The following MAP3K20 variants were observed in gnomAD, a reference collection of about 807,000 sequenced individuals.
The protein encoded by MAP3K20 is mitogen-activated protein kinase kinase kinase 20.
MAP3K20 carries 40 observed loss-of-function variants against 85.7 expected under a neutral mutation model. The observed-to-expected ratio is 0.47, with a 90% CI of 0.36 to 0.61. The LOEUF (loss-of-function observed/expected upper bound fraction) is 0.61. MAP3K20 is among the 20% of genes least tolerant of loss of function. The pLI is 0.00. For missense variants in MAP3K20, 817 were observed against 961.7 expected (o/e 0.85, Z 1.99); for synonymous variants, 325 against 327.7 (o/e 0.99, Z 0.09).
chr2:173,110,275 A>G (rs1397628763), intron 2 of MAP3K20, among the ~76,000 whole-genome samples: 1 of 41,906 alleles, frequency 2.4e-5, no homozygotes, highest in East Asian at 5.7e-4. Flanking sequence ...TTTTTTTGAG[A>G]CAGGATCTTG....
chr2:173,194,756 A>G (rs1169330630), intron 7 of MAP3K20, among the ~76,000 whole-genome samples: 1 of 72,848 alleles, frequency 1.4e-5, no homozygotes, highest in East Asian at 2.4e-4. Context: ...TAAGACCATT[A>G]AAAAAAAGGT....
rs1420564777 is a variant in MAP3K20 at position 173,210,141 on chromosome 2, C to G, written c.851+306C>G. The stretch of plus-strand genomic sequence containing the variant: ...CCAAGGCAGGCAGATCACCTGAGGT[C>G]AGGAGTTTGAGACCACCTTGACCAA... On this transcript the variant is annotated intron_variant, in intron 10 of 19. Coordinates refer to ENST00000375213, the MANE Select transcript of MAP3K20 (RefSeq NM_016653.3). 9 of 302,952 alleles carry G rather than the reference C, an allele frequency of 3.0e-5. No homozygotes were observed. In the East Asian group the frequency reaches 7.5e-4, roughly 25 times the overall value. 18.8% of individuals were successfully genotyped at this position (302,952 alleles called of 1,614,324 possible). A position where few individuals can be genotyped will look rare whatever the true frequency, so the allele number is the denominator to read the frequency against.
chr2:173,185,219 C>T (rs534412383), intron 4 of MAP3K20, among the ~76,000 whole-genome samples: 13 of 151,910 alleles, frequency 8.6e-5, no homozygotes, highest in Admixed American at 2.6e-4. Flanking sequence ...CCAGCCTGGG[C>T]GACCGAGTGA....
chr2:173,118,861 G>A (rs940400769), intron 2 of MAP3K20, among the ~76,000 whole-genome samples: 7 of 151,928 alleles, frequency 4.6e-5, no homozygotes, highest in African/African-American at 1.5e-4. Flanking sequence ...CAAATTAATG[G>A]TTCTAGAAGT....
intron 2 of MAP3K20, among the ~76,000 whole-genome samples, chr2:173,124,990 GAAAAT>G (rs1484898636): frequency 6.6e-6 from 1 of 152,008 alleles, no homozygotes; most frequent in Admixed American, 6.6e-5. Flanking sequence ...TGTCTCTAAA[GAAAAT>G]AAAGAAAAGG....
chr2:173,221,630 A>C, intron 11 of MAP3K20: 1 of 1,350,354 alleles, frequency 7.4e-7, no homozygotes, highest in Non-Finnish European at 9.6e-7. Context: ...CAGAAAGCCA[A>C]GCACTGCATT....
rs1369447940 is a variant in MAP3K20, at chr2:173,191,761, A to G, written c.582+584A>G. 6.6e-5 allele frequency among the ~76,000 whole-genome samples: 10 copies of G among 152,326 alleles called. No individual in the cohort carries two copies. The South Asian group carries it at 1.2e-3, about 19-fold the overall frequency. ...CTGAAGCGTGACTCTAAGGCATTACATAAGAATCACAGCAGAGCCACATAG... is the reference window on the plus strand; with the variant it reads ...CTGAAGCGTGACTCTAAGGCATTACGTAAGAATCACAGCAGAGCCACATAG... On this transcript the variant is annotated intron_variant, in intron 7 of 19. Coordinates refer to ENST00000375213, the MANE Select transcript of MAP3K20 (RefSeq NM_016653.3).
At chr2:173,127,613 A>G (rs566479523) in intron 2 of MAP3K20, among the ~76,000 whole-genome samples, 4 of 152,316 alleles carry the variant, frequency 2.6e-5, no homozygotes, top group Non-Finnish European at 5.9e-5. Flanking sequence ...TTCTTGGAGA[A>G]GCCTTTTAAA....
intron 2 of MAP3K20, among the ~76,000 whole-genome samples, chr2:173,142,120 A>G (rs541810405): frequency 6.6e-6 from 1 of 152,336 alleles, no homozygotes; most frequent in South Asian, 2.1e-4. Context: ...TCAAAAGACA[A>G]CAGCTAAAAG....
At chr2:173,251,793 C>T (rs1263512266) in intron 16 of MAP3K20, among the ~76,000 whole-genome samples, 1 of 152,112 alleles carries the variant, frequency 6.6e-6, no homozygotes, top group Non-Finnish European at 1.5e-5. Context: ...GCAAATTATA[C>T]CTCAATAAGA....
intron 2 of MAP3K20, among the ~76,000 whole-genome samples, chr2:173,169,079 G>A (rs532639212): frequency 1.3e-5 from 2 of 152,166 alleles, no homozygotes; most frequent in South Asian, 4.2e-4. Flanking sequence ...TAAATGATTA[G>A]ATAAATAAGT....
chr2:173,225,868 A>G, intron 11 of MAP3K20: 1 of 984,906 alleles, frequency 1.0e-6, no homozygotes, highest in Non-Finnish European at 1.2e-6. Context: ...AGCCAAATGC[A>G]CCAGGGCAGG....
In MAP3K20 at chr2:173,134,393, C is replaced by CATATATAT. The variant is rs1162728873; in HGVS notation, c.160-35383_160-35376dup. ...GTGTGTGTGTGTGTGTGTCTCTATA[C>CATATATAT]ATATATATATATATATATATATATA... On this transcript the variant is annotated intron_variant, in intron 2 of 19. Coordinates refer to ENST00000375213, the MANE Select transcript of MAP3K20 (RefSeq NM_016653.3). Among the ~76,000 whole-genome samples, 15 of 12,332 alleles carry CATATATAT rather than the reference C, an allele frequency of 1.2e-3. 1 individual carries two copies. Among genetic ancestry groups the CATATATAT allele is most frequent in the African/African-American group, 2.4e-3 (7 of 2,932 alleles). 8.1% of individuals were successfully genotyped at this position (12,332 alleles called of 152,430 possible).
At chr2:173,097,049 A>G (rs916269892) in intron 2 of MAP3K20, among the ~76,000 whole-genome samples, 34 of 152,222 alleles carry the variant, frequency 2.2e-4, no homozygotes, top group African/African-American at 8.0e-4. Context: ...CACTCCCAAC[A>G]TGACAAAGAG....
rs865871881 is a variant in MAP3K20, at chr2:173,152,914, G to A, written c.160-16891G>A. 5.3e-5 allele frequency among the ~76,000 whole-genome samples: 8 copies of A among 152,212 alleles called. No individual in the cohort carries two copies. The South Asian group carries it at 1.0e-3, about 20-fold the overall frequency. On this transcript the variant is annotated intron_variant, in intron 2 of 19. Transcript: ENST00000375213. ...GCTGCCCAAACAGGTCCCTGTTGAA[G>A]TGGCTTCTGATTTATGCATTTGGAA... is the stretch of plus-strand genomic sequence containing the variant.
intron 2 of MAP3K20, among the ~76,000 whole-genome samples, chr2:173,108,455 T>G (rs1294332991): frequency 6.6e-6 from 1 of 152,234 alleles, no homozygotes; most frequent in Admixed American, 6.5e-5. Context: ...TAAAAATCTC[T>G]TTTTAATTAC....
At chr2:173,223,812 T>C in intron 11 of MAP3K20, 1 of 985,402 alleles carries the variant, frequency 1.0e-6, no homozygotes, top group Non-Finnish European at 1.2e-6. Context: ...CATAGAGAAG[T>C]ACTACCTGAC....
intron 10 of MAP3K20, among the ~76,000 whole-genome samples, chr2:173,214,945 G>A (rs1204710940): frequency 6.6e-6 from 1 of 152,186 alleles, no homozygotes; most frequent in African/African-American, 2.4e-5. Flanking sequence ...TGACTCTGCA[G>A]TGTTGGGAGT....
At chr2:173,121,589 G>A (rs564619556) in intron 2 of MAP3K20, among the ~76,000 whole-genome samples, 14 of 151,944 alleles carry the variant, frequency 9.2e-5, no homozygotes, top group African/African-American at 2.2e-4. Flanking sequence ...GGGTTTCACC[G>A]TGTTAGCCAG....
Sources: allele counts gnomAD v4.1 joint callset (sites outside exome capture counted in the v4.1 genomes callset), GRCh38; gene constraint gnomAD v4.1.1; transcripts MANE v1.5; gene names NCBI Gene and HGNC (gene_info 2026-07-23, HGNC 2026-07-21).